The following DDHD1 variants were observed in gnomAD, a reference collection of about 807,000 sequenced individuals.
DDHD1 encodes the protein DDHD domain containing 1, also known as phospholipase DDHD1.
In DDHD1, 49 loss-of-function variants were observed where a neutral mutation model predicts 96.4. That is an observed-to-expected ratio of 0.51 (90% CI 0.40 to 0.64). DDHD1 has a LOEUF of 0.64. Ranked by LOEUF, DDHD1 falls within the 30% of genes least tolerant of loss-of-function variation. DDHD1 has a pLI of 0.00. For missense variants in DDHD1, 1,106 were observed against 1,161.2 expected, an observed-to-expected ratio of 0.95 and a Z score of 0.69; for synonymous variants, 442 against 446.5, an observed-to-expected ratio of 0.99 and a Z score of 0.13.
At chr14:53,079,559 A>G (rs562662641) in intron 4 of DDHD1, among the ~76,000 whole-genome samples, 1 of 152,342 alleles carries the variant, frequency 6.6e-6, no homozygotes, top group African/African-American at 2.4e-5. Flanking sequence ...AGAATTGTGC[A>G]TAGTATTCCC....
At chr14:53,054,976 A>G (rs1292613258) in intron 10 of DDHD1, among the ~76,000 whole-genome samples, 2 of 152,244 alleles carry the variant, frequency 1.3e-5, no homozygotes, top group Admixed American at 1.3e-4. Context: ...TACTATTGAT[A>G]TACTTACTAC....
At position 53,055,649 on chromosome 14, in the gene DDHD1, A is replaced by C; in HGVS notation, c.2245+11T>G. ...TATATGCATAGATAAGGAATACATA[A>C]GAGAAATTACCTAATATGCTTGCTT... On this transcript the variant is annotated intron_variant, in intron 10 of 12. Coordinates refer to ENST00000673822, the MANE Select transcript of DDHD1 (RefSeq NM_001160148.2). 6.2e-7 allele frequency: 1 copy of C among 1,613,350 alleles called. No individual in the cohort carries two copies. Among genetic ancestry groups the C allele is most frequent in the Non-Finnish European group, 8.5e-7 (1 of 1,179,346 alleles).
Position 53,040,427 on chromosome 14 carries a change from A to G in DDHD1, c.*6341T>C, listed in dbSNP as rs1441914053. 1 of 152,182 alleles carries G rather than the reference A, an allele frequency of 6.6e-6. No individual in the cohort carries two copies. Among genetic ancestry groups the G allele is most frequent in the Non-Finnish European group, 1.5e-5 (1 of 68,038 alleles). The allele number at this position is 152,182 out of a possible 1,614,324, so 9.4% of individuals were successfully genotyped here. A position where few individuals can be genotyped will look rare whatever the true frequency, so the allele number is the denominator to read the frequency against. On this transcript the variant is annotated 3_prime_UTR_variant, in exon 13 of 13. Coordinates refer to ENST00000673822, the MANE Select transcript of DDHD1 (RefSeq NM_001160148.2). ...GTATGATGAGGATTATTTTCTCCAGAATGCTTAGAACAGCCTAGTCTGAGG... is the reference window on the plus strand; with the variant it reads ...GTATGATGAGGATTATTTTCTCCAGGATGCTTAGAACAGCCTAGTCTGAGG...
intron 4 of DDHD1, among the ~76,000 whole-genome samples, chr14:53,081,295 T>G (rs1885448510): frequency 6.6e-6 from 1 of 152,248 alleles, no homozygotes; most frequent in Non-Finnish European, 1.5e-5. Context: ...AATGTTCAGT[T>G]TTAACAAATA....
rs1283727360 is a variant in DDHD1, at chr14:53,114,474, T to C, written c.839-10618A>G. 2.6e-5 allele frequency among the ~76,000 whole-genome samples: 4 copies of C among 152,120 alleles called. No homozygotes were observed. The East Asian group carries it at 7.7e-4, about 29-fold the overall frequency. ...CTCCCAACAGGGTCTGACAGACACCTCATACAGGGGAGCTCTGGCTGGCAT... is the reference window on the plus strand; with the variant it reads ...CTCCCAACAGGGTCTGACAGACACCCCATACAGGGGAGCTCTGGCTGGCAT... On this transcript the variant is annotated intron_variant, in intron 1 of 12. Transcript: ENST00000673822.
At chr14:53,130,598 C>G (rs944971280) in intron 1 of DDHD1, among the ~76,000 whole-genome samples, 5 of 152,256 alleles carry the variant, frequency 3.3e-5, no homozygotes, top group African/African-American at 1.2e-4. Context: ...CTCCAGCACA[C>G]AAGAACTTCA....
intron 1 of DDHD1, among the ~76,000 whole-genome samples, chr14:53,107,835 C>T (rs987965317): frequency 3.3e-5 from 5 of 152,088 alleles, no homozygotes; most frequent in South Asian, 2.1e-4. Flanking sequence ...CCTTTAAACA[C>T]GGGGCTTGCA....
intron 4 of DDHD1, among the ~76,000 whole-genome samples, chr14:53,084,573 GCT>G (rs1308571875): frequency 2.1e-4 from 32 of 152,202 alleles, no homozygotes; most frequent in Non-Finnish European, 7.3e-5. Flanking sequence ...TGTAATATAA[GCT>G]ATGGACATTG....
At chr14:53,138,763 T>G (rs1332503151) in intron 1 of DDHD1, among the ~76,000 whole-genome samples, 1 of 152,160 alleles carries the variant, frequency 6.6e-6, no homozygotes. Context: ...TGGGCTATAG[T>G]AAGAGTATAA....
intron 1 of DDHD1, among the ~76,000 whole-genome samples, chr14:53,134,489 TCTCA>T (rs1890088738): frequency 6.6e-6 from 1 of 151,538 alleles, no homozygotes; most frequent in Non-Finnish European, 1.5e-5. Flanking sequence ...ACACTATCAA[TCTCA>T]CTCACTCTCT....
intron 1 of DDHD1, among the ~76,000 whole-genome samples, chr14:53,115,870 C>A (rs1888502587): frequency 6.6e-6 from 1 of 152,148 alleles, no homozygotes; most frequent in African/African-American, 2.4e-5. Context: ...CAAATTCACA[C>A]ATAACAATAT....
At chr14:53,142,476 A>AC (rs1215361081) in intron 1 of DDHD1, among the ~76,000 whole-genome samples, 1 of 152,006 alleles carries the variant, frequency 6.6e-6, no homozygotes, top group Non-Finnish European at 1.5e-5. Context: ...AAAAAAAAAA[A>AC]CAGGAACATT....
chr14:53,144,186 C>A (rs1207843815), intron 1 of DDHD1, among the ~76,000 whole-genome samples: 2 of 152,190 alleles, frequency 1.3e-5, no homozygotes, highest in East Asian at 3.8e-4. Flanking sequence ...CAACTATATC[C>A]AACCAGATAT....
chr14:53,070,968 C>T (rs901309444), intron 6 of DDHD1, among the ~76,000 whole-genome samples: 1 of 152,068 alleles, frequency 6.6e-6, no homozygotes, highest in African/African-American at 2.4e-5. Context: ...CTACAGGCAG[C>T]AACACATCTG....
chr14:53,127,942 A>T (rs1039861801), intron 1 of DDHD1, among the ~76,000 whole-genome samples: 10 of 152,230 alleles, frequency 6.6e-5, no homozygotes, highest in African/African-American at 2.4e-4. Flanking sequence ...CTGTAATTCA[A>T]ATTGTAATCT....
intron 1 of DDHD1, among the ~76,000 whole-genome samples, chr14:53,116,899 C>T (rs553926555): frequency 6.6e-6 from 1 of 152,058 alleles, no homozygotes; most frequent in Non-Finnish European, 1.5e-5. Flanking sequence ...CACAAAAAAC[C>T]TTTCAAAAAA....
At chr14:53,115,298 AC>A (rs112682955) in intron 1 of DDHD1, among the ~76,000 whole-genome samples, 5,112 of 152,298 alleles carry the variant, frequency 0.034, 294 homozygotes, top group African/African-American at 0.11. Flanking sequence ...GTTGGAAAAC[AC>A]ACTTCAGGAC....
At chr14:53,066,683 T>C (rs932978561) in intron 6 of DDHD1, among the ~76,000 whole-genome samples, 1 of 152,078 alleles carries the variant, frequency 6.6e-6, no homozygotes, top group Non-Finnish European at 1.5e-5. Context: ...AAAATAGGAA[T>C]AGGCCGGGCA....
chr14:53,129,482 C>T (rs1337609986), intron 1 of DDHD1, among the ~76,000 whole-genome samples: 1 of 152,212 alleles, frequency 6.6e-6, no homozygotes, highest in Non-Finnish European at 1.5e-5. Flanking sequence ...CTGAGGAAGA[C>T]AGTCTTCCCT....
Sources: allele counts gnomAD v4.1 joint callset (sites outside exome capture counted in the v4.1 genomes callset), GRCh38; gene constraint gnomAD v4.1.1; transcripts MANE v1.5; gene names NCBI Gene and HGNC (gene_info 2026-07-23, HGNC 2026-07-21).